ABCA13: variants seen among roughly 807,000 people sequenced by gnomAD.
The protein encoded by ABCA13 is ATP-binding cassette sub-family A member 13.
Under a neutral mutation model 478.7 loss-of-function variants are expected in ABCA13, and 476 were observed. The observed-to-expected ratio is 0.99, with a 90% confidence interval of 0.92 to 1.07. The LOEUF (loss-of-function observed/expected upper bound fraction) is 1.07, where lower values mean the gene tolerates loss of function less well. ABCA13 is among the 50% of genes least tolerant of loss of function. The pLI is 0.00. For synonymous variants in ABCA13, 2,252 were observed against 2,158.9 expected (o/e 1.04, Z -1.20); for missense variants, 6,060 against 5,910.6 (o/e 1.03, Z -0.83).
chr7:48,414,940 G>A (rs1314165433), intron 41 of ABCA13, among the ~76,000 whole-genome samples: 1 of 152,200 alleles, frequency 6.6e-6, no homozygotes, highest in Non-Finnish European at 1.5e-5. Flanking sequence ...TGACCACGGA[G>A]CTAAATAACA....
At chr7:48,415,448 G>A (rs1486335536) in intron 41 of ABCA13, among the ~76,000 whole-genome samples, 1 of 152,138 alleles carries the variant, frequency 6.6e-6, no homozygotes, top group Non-Finnish European at 1.5e-5. Context: ...CAGATAAATT[G>A]AACATATTCA....
rs373171851 is a variant in ABCA13, at chr7:48,190,655, A to C, written c.70-2304A>C. Among the ~76,000 whole-genome samples, 16 of 152,328 alleles carry C rather than the reference A, an allele frequency of 1.1e-4. 2 individuals carry two copies. The East Asian group carries it at 2.1e-3, about 20-fold the overall frequency. ...TATCACTGGCCCCAAATAGAAAAAC[A>C]TGCAAATTTTCATGATGAAGTGATT... On this transcript the variant is annotated intron_variant, in intron 1 of 61. Coordinates refer to ENST00000435803, the MANE Select transcript of ABCA13 (RefSeq NM_152701.5).
At chr7:48,346,857 A>G (rs1808189579) in intron 29 of ABCA13, among the ~76,000 whole-genome samples, 1 of 152,242 alleles carries the variant, frequency 6.6e-6, no homozygotes, top group Non-Finnish European at 1.5e-5. Context: ...TCAGCTTTGA[A>G]GCACCAGTGA....
intron 56 of ABCA13, 67 bp from the exon 57 acceptor site, chr7:48,587,087 T>C: frequency 6.3e-7 from 1 of 1,597,514 alleles, no homozygotes; most frequent in Non-Finnish European, 8.5e-7. Flanking sequence ...GAATGAGGAC[T>C]GAGACCAGCT....
intron 58 of ABCA13, among the ~76,000 whole-genome samples, chr7:48,604,527 G>T (rs1237694189): frequency 6.6e-6 from 1 of 152,174 alleles, no homozygotes; most frequent in Non-Finnish European, 1.5e-5. Context: ...CAGTTTCCAT[G>T]TAGTTGTGCG....
intron 56 of ABCA13, among the ~76,000 whole-genome samples, chr7:48,580,844 C>T (rs955045678): frequency 1.3e-5 from 2 of 151,958 alleles, no homozygotes; most frequent in Admixed American, 1.3e-4. Flanking sequence ...CCAGGGGATT[C>T]CTTCTGCCAG....
intron 20 of ABCA13, among the ~76,000 whole-genome samples, chr7:48,289,010 T>C (rs1181626346): frequency 6.6e-6 from 1 of 152,170 alleles, no homozygotes. Context: ...TTGTGATCCA[T>C]ATTATCTGTG....
intron 57 of ABCA13, 109 bp downstream of exon 57, chr7:48,587,397 G>A: frequency 7.7e-7 from 1 of 1,300,208 alleles, no homozygotes; most frequent in Non-Finnish European, 1.0e-6. Context: ...TGCAAAGCTG[G>A]TTCTACAAAC....
chr7:48,203,527 C>T (rs1252455909), intron 3 of ABCA13, among the ~76,000 whole-genome samples: 1 of 152,230 alleles, frequency 6.6e-6, no homozygotes, highest in Non-Finnish European at 1.5e-5. Flanking sequence ...TCACTTTGGG[C>T]AGAAATCCTG....
intron 29 of ABCA13, among the ~76,000 whole-genome samples, chr7:48,345,004 C>T (rs1807841647): frequency 6.6e-6 from 1 of 152,150 alleles, no homozygotes; most frequent in Non-Finnish European, 1.5e-5. Context: ...TAGTTAATGC[C>T]ACATAATAAC....
intron 27 of ABCA13, among the ~76,000 whole-genome samples, chr7:48,317,555 C>T (rs1437273750): frequency 6.6e-6 from 1 of 152,154 alleles, no homozygotes; most frequent in Non-Finnish European, 1.5e-5. Context: ...TTACAGAACT[C>T]TAATATGAAA....
chr7:48,397,422 C>T (rs929921366), intron 38 of ABCA13, among the ~76,000 whole-genome samples: 2 of 151,450 alleles, frequency 1.3e-5, no homozygotes, highest in East Asian at 1.9e-4. Flanking sequence ...GCAATATATA[C>T]TCATTTCTTT....
At chr7:48,388,012 TG>T (rs1815453111) in intron 36 of ABCA13, 53 bp downstream of exon 36, 14 of 1,571,162 alleles carry the variant, frequency 8.9e-6, no homozygotes, top group East Asian at 6.8e-5. Flanking sequence ...TGATCCATTT[TG>T]ATTTTTTTTT....
chr7:48,536,847 TTTA>T (rs1228558362), intron 55 of ABCA13, among the ~76,000 whole-genome samples: 2 of 151,944 alleles, frequency 1.3e-5, no homozygotes, highest in African/African-American at 4.8e-5. Context: ...AGATTTTATA[TTTA>T]TTATTCATAA....
At chr7:48,207,379 G>C (rs1465579284) in intron 3 of ABCA13, among the ~76,000 whole-genome samples, 2 of 151,892 alleles carry the variant, frequency 1.3e-5, no homozygotes, top group Admixed American at 6.6e-5. Context: ...CCTCCCTTCT[G>C]TTCTCCATAG....
intron 19 of ABCA13, among the ~76,000 whole-genome samples, chr7:48,285,066 G>C (rs1291870142): frequency 6.6e-6 from 1 of 152,184 alleles, no homozygotes; most frequent in Admixed American, 6.5e-5. Context: ...ATGCAGGAGA[G>C]CTCATGCAAC....
intron 37 of ABCA13, 148 bp downstream of exon 37, chr7:48,389,368 C>A: frequency 1.1e-6 from 1 of 924,428 alleles, no homozygotes. Context: ...AAAGGCAGAG[C>A]CCCTCATGAG....
chr7:48,267,149 T>C (rs1340005343), intron 15 of ABCA13, among the ~76,000 whole-genome samples: 2 of 152,078 alleles, frequency 1.3e-5, no homozygotes, highest in Admixed American at 1.3e-4. Flanking sequence ...ATATGTATTA[T>C]GTTGTTGTTG....
chr7:48,293,875 G>A (rs967672795), intron 20 of ABCA13, among the ~76,000 whole-genome samples: 2 of 152,172 alleles, frequency 1.3e-5, no homozygotes, highest in African/African-American at 4.8e-5. Flanking sequence ...TACTTCTGGA[G>A]TCTTTCCAGA....
Sources: gnomAD v4.1 joint callset for allele counts (sites outside exome capture counted in the v4.1 genomes callset) on GRCh38, gnomAD v4.1.1 for gene constraint, MANE v1.5 for transcripts, NCBI Gene and HGNC (gene_info 2026-07-23, HGNC 2026-07-21) for gene names.